Variants in TAFA1 observed in about 807,000 individuals in gnomAD.
TAFA1 encodes TAFA chemokine like family member 1.
A neutral mutation model predicts 18.5 loss-of-function variants in TAFA1; 4 were observed. That is an observed-to-expected ratio of 0.22 (90% confidence interval 0.11 to 0.49). The LOEUF (loss-of-function observed/expected upper bound fraction) is 0.49. TAFA1 is among the 20% of genes least tolerant of loss of function. The pLI, the probability that TAFA1 is intolerant of heterozygous loss-of-function variation, is 0.98. For missense variants in TAFA1, 147 were observed against 169.0 expected (o/e 0.87, Z 0.72); for synonymous variants, 56 against 55.2 (o/e 1.01, Z -0.06).
At chr3:68,133,295 T>C (rs2065565818) in intron 2 of TAFA1, among the ~76,000 whole-genome samples, 1 of 152,192 alleles carries the variant, frequency 6.6e-6, no homozygotes. Flanking sequence ...TGAAGTCAGG[T>C]AGCATGATGC....
chr3:68,384,540 T>A (rs990348477), intron 2 of TAFA1, among the ~76,000 whole-genome samples: 1 of 152,134 alleles, frequency 6.6e-6, no homozygotes, highest in African/African-American at 2.4e-5. Context: ...TTGTTTATTG[T>A]GGTTTCAGTT....
At chr3:68,377,222 A>C (rs1010385984) in intron 2 of TAFA1, among the ~76,000 whole-genome samples, 3 of 152,188 alleles carry the variant, frequency 2.0e-5, no homozygotes, top group African/African-American at 7.2e-5. Flanking sequence ...GTAATGGGCA[A>C]AGGTTGGAAC....
At chr3:68,076,308 T>A (rs548863627) in intron 2 of TAFA1, among the ~76,000 whole-genome samples, 91 of 152,140 alleles carry the variant, frequency 6.0e-4, no homozygotes, top group African/African-American at 2.0e-3. Context: ...TTTGTTTGTT[T>A]GTTTGTTTTA....
intron 2 of TAFA1, among the ~76,000 whole-genome samples, chr3:68,202,882 CACTT>C (rs1246084381): frequency 5.3e-5 from 8 of 151,620 alleles, no homozygotes; most frequent in Non-Finnish European, 7.4e-5. Flanking sequence ...ATTTTACCCT[CACTT>C]AGTTTTTCTT....
chr3:68,115,164 T>C (rs1315103123), intron 2 of TAFA1, among the ~76,000 whole-genome samples: 1 of 152,224 alleles, frequency 6.6e-6, no homozygotes, highest in African/African-American at 2.4e-5. Flanking sequence ...CAAAGTTTTA[T>C]TTCTTGACTT....
chr3:68,518,288 A>T (rs930192110), intron 3 of TAFA1, among the ~76,000 whole-genome samples: 35 of 77,988 alleles, frequency 4.5e-4, no homozygotes, highest in Non-Finnish European at 9.0e-4. Flanking sequence ...TTATGGAATG[A>T]ATACAATTTT....
At chr3:68,461,963 C>A (rs186479079) in intron 3 of TAFA1, among the ~76,000 whole-genome samples, 2 of 152,090 alleles carry the variant, frequency 1.3e-5, no homozygotes, top group East Asian at 3.9e-4. Context: ...GGGGGAAAAT[C>A]AAACTATGCA....
intron 2 of TAFA1, among the ~76,000 whole-genome samples, chr3:68,197,519 T>G (rs1455474203): frequency 6.6e-6 from 1 of 151,596 alleles, no homozygotes; most frequent in African/African-American, 2.4e-5. Flanking sequence ...CACGGTGGCT[T>G]TATTCTCCAT....
chr3:68,034,432 G>T (rs186967938), intron 2 of TAFA1, among the ~76,000 whole-genome samples: 2 of 152,278 alleles, frequency 1.3e-5, no homozygotes, highest in Admixed American at 1.3e-4. Flanking sequence ...CTGCAGCACA[G>T]CTCTTCATAA....
rs1169442128 is a variant in TAFA1 at position 68,113,888 on chromosome 3, G to GTTTTTT, written c.118+107147_118+107152dup. Among the ~76,000 whole-genome samples, 11 of 57,884 alleles carry GTTTTTT rather than the reference G, an allele frequency of 1.9e-4. 2 individuals are homozygous for GTTTTTT. The highest frequency in any genetic ancestry group is 3.3e-4 in the Non-Finnish European group (11 of 33,378). The allele number at this position is 57,884 out of a possible 152,430, so 38.0% of individuals were successfully genotyped here. A position where few individuals can be genotyped will look rare whatever the true frequency, so the allele number is the denominator to read the frequency against. ...TGACAGTGTGACAGTTTGGGGTGTA[G>GTTTTTT]TTTTTTTTGTTTTTTTTTTTTTTTT... On this transcript the variant is annotated intron_variant, in intron 2 of 4. Coordinates refer to ENST00000478136, the MANE Select transcript of TAFA1 (RefSeq NM_213609.4).
intron 2 of TAFA1, among the ~76,000 whole-genome samples, chr3:68,320,437 T>G (rs565702891): frequency 2.4e-4 from 36 of 152,290 alleles, no homozygotes; most frequent in Non-Finnish European, 3.5e-4. Context: ...TGGGCTTCAC[T>G]GATGGGAGAC....
At chr3:68,528,632 T>A (rs2073142372) in intron 3 of TAFA1, among the ~76,000 whole-genome samples, 1 of 152,200 alleles carries the variant, frequency 6.6e-6, no homozygotes, top group Non-Finnish European at 1.5e-5. Context: ...ACAGTGGAGT[T>A]CTAGCCATTG....
intron 3 of TAFA1, among the ~76,000 whole-genome samples, chr3:68,506,740 G>T (rs2668161): frequency 0.2 from 30,717 of 151,986 alleles, 3,212 homozygotes; most frequent in Middle Eastern, 0.23. Flanking sequence ...TGCTCTAGCT[G>T]AGAACCTAAC....
chr3:68,172,704 C>T (rs1029551632), intron 2 of TAFA1, among the ~76,000 whole-genome samples: 7 of 151,822 alleles, frequency 4.6e-5, no homozygotes, highest in Admixed American at 6.6e-5. Flanking sequence ...AATGACATAC[C>T]GATACATGCT....
At chr3:68,112,105 G>A (rs370333175) in intron 2 of TAFA1, among the ~76,000 whole-genome samples, 1 of 144,284 alleles carries the variant, frequency 6.9e-6, no homozygotes, top group Non-Finnish European at 1.5e-5. Context: ...AAAAAAAAAT[G>A]CTATACTCAT....
chr3:68,043,654 G>C (rs753878599), intron 2 of TAFA1, among the ~76,000 whole-genome samples: 1 of 152,122 alleles, frequency 6.6e-6, no homozygotes, highest in South Asian at 2.1e-4. Context: ...AGAGGCTAAG[G>C]CTGCTTGCAG....
At chr3:68,144,017 G>A (rs141058084) in intron 2 of TAFA1, among the ~76,000 whole-genome samples, 1 of 138,980 alleles carries the variant, frequency 7.2e-6, no homozygotes, top group East Asian at 2.2e-4. Flanking sequence ...AGTTCTTTTT[G>A]TTTTTGAGAA....
intron 2 of TAFA1, among the ~76,000 whole-genome samples, chr3:68,254,082 T>A (rs1242020070): frequency 6.6e-6 from 1 of 152,124 alleles, no homozygotes. Context: ...TCTGTCTGTC[T>A]GCCTGTCTAT....
chr3:68,043,118 T>G (rs1705200328), intron 2 of TAFA1, among the ~76,000 whole-genome samples: 1 of 152,110 alleles, frequency 6.6e-6, no homozygotes, highest in Non-Finnish European at 1.5e-5. Flanking sequence ...GTGATCTGCC[T>G]GCCTCGGCCT....
Sources: allele counts gnomAD v4.1 joint callset (sites outside exome capture counted in the v4.1 genomes callset), GRCh38; gene constraint gnomAD v4.1.1; transcripts MANE v1.5; gene names NCBI Gene and HGNC (gene_info 2026-07-23, HGNC 2026-07-21).